The following CACNA2D3 variants were observed in gnomAD, a reference collection of about 807,000 sequenced individuals.
CACNA2D3 encodes calcium voltage-gated channel auxiliary subunit alpha2delta 3.
In CACNA2D3, 60 loss-of-function variants were observed where a neutral mutation model predicts 160.6. That is an observed-to-expected ratio of 0.37 (90% CI 0.30 to 0.46). CACNA2D3 has a LOEUF of 0.46. Ranked by LOEUF, CACNA2D3 falls within the 20% of genes least tolerant of loss-of-function variation. The probability of loss-of-function intolerance (pLI) is 1.00; values close to 1 mark genes in which losing one functional copy is unlikely to be tolerated. For missense variants in CACNA2D3, 1,205 were observed against 1,365.0 expected, an observed-to-expected ratio of 0.88 and a Z score of 1.85; for synonymous variants, 558 against 492.9, an observed-to-expected ratio of 1.13 and a Z score of -1.75.
chr3:54,770,646 C>A (rs150645660), intron 13 of CACNA2D3, among the ~76,000 whole-genome samples: 185 of 152,244 alleles, frequency 1.2e-3, no homozygotes, highest in African/African-American at 4.2e-3. Flanking sequence ...GCCTGTCGCC[C>A]ACAGCACCCT....
intron 2 of CACNA2D3, among the ~76,000 whole-genome samples, chr3:54,196,345 C>T (rs1465025072): frequency 2.0e-5 from 3 of 152,058 alleles, no homozygotes; most frequent in Non-Finnish European, 4.4e-5. Flanking sequence ...GATGAAGAAC[C>T]ACTCTGTACA....
intron 11 of CACNA2D3, among the ~76,000 whole-genome samples, chr3:54,660,504 T>G (rs1699949180): frequency 6.6e-6 from 1 of 152,126 alleles, no homozygotes; most frequent in Non-Finnish European, 1.5e-5. Context: ...CCTTTACACC[T>G]CATAAATGAA....
At chr3:54,134,791 T>C (rs1699786526) in intron 2 of CACNA2D3, among the ~76,000 whole-genome samples, 1 of 152,148 alleles carries the variant, frequency 6.6e-6, no homozygotes, top group African/African-American at 2.4e-5. Flanking sequence ...TCCCTGCCCA[T>C]CTGGGTCAGC....
rs1703720232 is a variant in CACNA2D3, at chr3:55,033,456, A to G, written c.2987+15139A>G. Among the ~76,000 whole-genome samples, 4 of 151,462 alleles carry G rather than the reference A, an allele frequency of 2.6e-5. No homozygotes were observed. The South Asian group carries it at 6.3e-4, about 24-fold the overall frequency. On this transcript the variant is annotated intron_variant, in intron 35 of 37. Coordinates refer to ENST00000474759, the MANE Select transcript of CACNA2D3 (RefSeq NM_018398.3). ...TTGCATAGATGGCTTATGCACATAC[A>G]GGCGCTTAGGTATATTAAATGTTTT...
intron 11 of CACNA2D3, among the ~76,000 whole-genome samples, chr3:54,682,259 GGCATAATTATAT>G (rs1336024009): frequency 6.6e-6 from 1 of 151,866 alleles, no homozygotes; most frequent in East Asian, 1.9e-4. Flanking sequence ...AGGAAACAGA[GGCATAATTATAT>G]GCAGACTTAA....
intron 5 of CACNA2D3, among the ~76,000 whole-genome samples, chr3:54,547,558 G>T (rs549271710): frequency 1.3e-5 from 2 of 152,064 alleles, no homozygotes; most frequent in East Asian, 3.9e-4. Context: ...TTGTTACGTG[G>T]CCACATCTAC....
At chr3:54,173,926 A>T (rs1700619614) in intron 2 of CACNA2D3, among the ~76,000 whole-genome samples, 1 of 152,152 alleles carries the variant, frequency 6.6e-6, no homozygotes, top group East Asian at 1.9e-4. Context: ...GGGCCTCTGG[A>T]CCCACTGGGG....
chr3:54,249,205 A>G (rs1702135491), intron 2 of CACNA2D3, among the ~76,000 whole-genome samples: 1 of 152,170 alleles, frequency 6.6e-6, no homozygotes, highest in African/African-American at 2.4e-5. Context: ...TTGGAGATTA[A>G]GCATGGTTTA....
At chr3:54,611,209 C>T (rs1008162953) in intron 9 of CACNA2D3, among the ~76,000 whole-genome samples, 1 of 152,202 alleles carries the variant, frequency 6.6e-6, no homozygotes, top group African/African-American at 2.4e-5. Flanking sequence ...ACATGTCACA[C>T]CTAACTGTAC....
chr3:54,628,656 C>T (rs932990344), intron 10 of CACNA2D3, among the ~76,000 whole-genome samples: 1 of 150,020 alleles, frequency 6.7e-6, no homozygotes, highest in African/African-American at 2.4e-5. Context: ...TGTTAAGAAG[C>T]AGAAAAATAA....
chr3:54,484,567 T>A (rs983901039), intron 4 of CACNA2D3, among the ~76,000 whole-genome samples: 7 of 152,122 alleles, frequency 4.6e-5, no homozygotes, highest in Non-Finnish European at 7.4e-5. Context: ...GTGAGAAACG[T>A]GAGAGTAAAT....
At chr3:54,644,852 G>C (rs1245346965) in intron 11 of CACNA2D3, among the ~76,000 whole-genome samples, 1 of 152,212 alleles carries the variant, frequency 6.6e-6, no homozygotes, top group Non-Finnish European at 1.5e-5. Flanking sequence ...ACAAGAAATA[G>C]CCTGAAGAAT....
At chr3:54,226,446 G>A (rs1701674954) in intron 2 of CACNA2D3, among the ~76,000 whole-genome samples, 1 of 151,528 alleles carries the variant, frequency 6.6e-6, no homozygotes. Context: ...GGGACCACAG[G>A]CATGTGCCAC....
At chr3:54,527,919 A>G (rs564458454) in intron 5 of CACNA2D3, among the ~76,000 whole-genome samples, 56 of 152,270 alleles carry the variant, frequency 3.7e-4, no homozygotes, top group African/African-American at 1.3e-3. Context: ...TTCATTTGCT[A>G]TATGCCCTTA....
At chr3:54,501,650 G>C (rs1701296646) in intron 4 of CACNA2D3, among the ~76,000 whole-genome samples, 1 of 151,770 alleles carries the variant, frequency 6.6e-6, no homozygotes, top group Non-Finnish European at 1.5e-5. Flanking sequence ...GAACTCCTGG[G>C]CTCAAGCAAT....
chr3:54,681,923 TC>T (rs768793730), intron 11 of CACNA2D3, among the ~76,000 whole-genome samples: 1 of 152,072 alleles, frequency 6.6e-6, no homozygotes, highest in Non-Finnish European at 1.5e-5. Flanking sequence ...CCTCAAGTGA[TC>T]CGCCTGCCTC....
intron 3 of CACNA2D3, among the ~76,000 whole-genome samples, chr3:54,321,866 A>T (rs1039862346): frequency 2.8e-5 from 4 of 145,392 alleles, no homozygotes; most frequent in African/African-American, 1.0e-4. Context: ...GGTTGTGCCA[A>T]TTCACAGCTG....
chr3:54,851,684 A>G (rs1209221640), intron 17 of CACNA2D3, among the ~76,000 whole-genome samples: 1 of 152,242 alleles, frequency 6.6e-6, no homozygotes, highest in African/African-American at 2.4e-5. Context: ...GGAGCTGCCT[A>G]TGTAATTTCA....
intron 13 of CACNA2D3, among the ~76,000 whole-genome samples, chr3:54,774,939 TC>T (rs1218812832): frequency 2.6e-5 from 4 of 152,124 alleles, no homozygotes; most frequent in Non-Finnish European, 5.9e-5. Context: ...CGGCCACTGT[TC>T]CTTGACTCTT....
Sources: gnomAD v4.1 joint callset for allele counts (sites outside exome capture counted in the v4.1 genomes callset) on GRCh38, gnomAD v4.1.1 for gene constraint, MANE v1.5 for transcripts, NCBI Gene and HGNC (gene_info 2026-07-23, HGNC 2026-07-21) for gene names.